The following BTD variants were observed in gnomAD, a reference collection of about 807,000 sequenced individuals.
The protein encoded by BTD is biotinidase, also known as biocytinase.
A neutral mutation model predicts 17.7 loss-of-function variants in BTD; 13 were observed. The ratio of observed to expected loss-of-function variants is 0.74; its 90% CI spans 0.48 to 1.17. The LOEUF is 1.17. Among genes scored for constraint, BTD ranks in the 50% most tolerant of loss-of-function variants. The probability of loss-of-function intolerance (pLI) is 0.00; values close to 1 mark genes in which losing one functional copy is unlikely to be tolerated. For synonymous variants in BTD, 240 were observed against 245.2 expected, an observed-to-expected ratio of 0.98 and a Z score of 0.20; for missense variants, 674 against 650.4, an observed-to-expected ratio of 1.04 and a Z score of -0.39.
At chr3:15,621,604 T>A (rs2125396269) in intron 1 of BTD, among the ~76,000 whole-genome samples, 1 of 152,244 alleles carries the variant, frequency 6.6e-6, no homozygotes, top group South Asian at 2.1e-4. Context: ...TCATTTTCTT[T>A]TTTTTTTCCT....
chr3:15,642,601 C>T (rs1384986923), intron 3 of BTD, among the ~76,000 whole-genome samples: 2 of 151,812 alleles, frequency 1.3e-5, no homozygotes, highest in South Asian at 2.1e-4. Context: ...ACTACAGGCA[C>T]CCACCACCAC....
intron 3 of BTD, among the ~76,000 whole-genome samples, chr3:15,672,212 C>T (rs1453475404): frequency 2.0e-5 from 3 of 148,430 alleles, no homozygotes; most frequent in Non-Finnish European, 4.4e-5. Context: ...GTATAATGAT[C>T]ATGCTCACTG....
chr3:15,624,157 T>C (rs562573632), intron 1 of BTD, among the ~76,000 whole-genome samples: 1 of 152,342 alleles, frequency 6.6e-6, no homozygotes, highest in Non-Finnish European at 1.5e-5. Flanking sequence ...ATCTTTGCTT[T>C]TCTGTAATTT....
At chr3:15,631,289 C>T in intron 1 of BTD, 1 of 684,384 alleles carries the variant, frequency 1.5e-6, no homozygotes, top group South Asian at 2.3e-5. Context: ...GATTGCTATT[C>T]TCCCTGACAA....
At chr3:15,601,923 G>A (rs1299251339) in intron 1 of BTD, 29 bp downstream of exon 1, 14 of 1,611,474 alleles carry the variant, frequency 8.7e-6, no homozygotes, top group Non-Finnish European at 1.2e-5. Flanking sequence ...GCGGCGCGGA[G>A]GGGGTGTGGT....
At chr3:15,695,312 C>T in intron 3 of BTD, 1 of 885,238 alleles carries the variant, frequency 1.1e-6, no homozygotes, top group East Asian at 2.7e-5. Context: ...TACCCTAAAC[C>T]CGTGCTTCCT....
rs73817049 is a variant in BTD, at chr3:15,686,449, A to C, written c.400-23611A>C. ...TATGCAAGAATGAAAACTATAGGTA[A>C]AAAGAAGGTTTCTACGGCCTTTGAC... On this transcript the variant is annotated intron_variant, in intron 3 of 3. Coordinates refer to the BTD transcript ENST00000672141. 0.021 allele frequency: 14,440 copies of C among 691,386 alleles called. 1,457 individuals are homozygous for C. In the African/African-American group the frequency reaches 0.22, roughly 11 times the overall value. The allele number at this position is 691,386 out of a possible 1,614,324, so 42.8% of individuals were successfully genotyped here. A position where few individuals can be genotyped will look rare whatever the true frequency, so the allele number is the denominator to read the frequency against.
At chr3:15,667,048 A>G (rs2066013207) in intron 3 of BTD, among the ~76,000 whole-genome samples, 1 of 152,254 alleles carries the variant, frequency 6.6e-6, no homozygotes, top group African/African-American at 2.4e-5. Context: ...ACTCCCAAGT[A>G]TACAGCAGGC....
At chr3:15,679,422 G>A in intron 3 of BTD, 1 of 1,612,050 alleles carries the variant, frequency 6.2e-7, no homozygotes. Context: ...TCACAGCAAT[G>A]GTGTATTTCT....
upstream of BTD, chr3:15,601,382 C>G: frequency 6.2e-7 from 1 of 1,614,168 alleles, no homozygotes; most frequent in Non-Finnish European, 8.5e-7. Context: ...GTCCATCGTA[C>G]TTGCGTTTTC....
downstream of BTD, chr3:15,713,515 G>A (rs778593341): frequency 1.4e-5 from 22 of 1,602,632 alleles, no homozygotes; most frequent in Admixed American, 3.6e-4. Context: ...CAACACCTCG[G>A]TAAGTACTTA....
At position 15,635,538 on chromosome 3, in the gene BTD, C is replaced by T. The variant is rs397514337; in HGVS notation, c.99C>T (p.His33=). The change falls in exon 2 of 4, where the codon CAC becomes CAT. Residue 33 remains histidine, a synonymous_variant. Transcript: ENST00000643237. This position sits in a 1 kb window ranked among gnomAD's most constrained non-coding sequence, Gnocchi z 4.1. ...GGGAGGAGAGCGTGGCTGACCATCA[C>T]GAGGCTGAATATTATGTGGCTGCCG... ...HTGEESVADH[H]EAEYYVAAVY... is the part of the protein sequence containing the mutation. 18 of 1,614,128 alleles carry T rather than the reference C, an allele frequency of 1.1e-5. No individual in the cohort carries two copies. The highest frequency in any genetic ancestry group is 2.2e-5 in the East Asian group (1 of 44,864).
chr3:15,603,518 A>G (rs1250911424), intron 1 of BTD, among the ~76,000 whole-genome samples: 1 of 152,044 alleles, frequency 6.6e-6, no homozygotes, highest in Non-Finnish European at 1.5e-5. Context: ...TTAGGCGGGC[A>G]TGGTGGCAGG....
intron 1 of BTD, among the ~76,000 whole-genome samples, chr3:15,628,498 G>A (rs1462529436): frequency 6.6e-6 from 1 of 152,128 alleles, no homozygotes; most frequent in Admixed American, 6.5e-5. Flanking sequence ...TTATCTAGAA[G>A]GTGTTCTTTA....
upstream of BTD, chr3:15,601,448 A>C (rs769012677): frequency 6.2e-7 from 1 of 1,613,448 alleles, no homozygotes; most frequent in African/African-American, 1.3e-5. Flanking sequence ...CGCTCTGCGA[A>C]GTTACTGTCC....
intron 3 of BTD, chr3:15,689,822 G>A: frequency 3.5e-6 from 2 of 565,178 alleles, no homozygotes; most frequent in Non-Finnish European, 6.2e-6. Flanking sequence ...TACTCCTAAT[G>A]TTTATGAATG....
chr3:15,709,603 G>T, intron 3 of BTD: 1 of 1,133,156 alleles, frequency 8.8e-7, no homozygotes, highest in Non-Finnish European at 1.3e-6. Flanking sequence ...TCAGAAGCCA[G>T]TTAGAAGGTC....
At chr3:15,692,144 TAAAAAA>T (rs908039642) in intron 3 of BTD, among the ~76,000 whole-genome samples, 1 of 98,912 alleles carries the variant, frequency 1.0e-5, no homozygotes, top group Admixed American at 1.1e-4. Flanking sequence ...TATCTCTAAA[TAAAAAA>T]AAAAAAAAAA....
chr3:15,605,274 G>C (rs1226383632), intron 1 of BTD, among the ~76,000 whole-genome samples: 2 of 152,192 alleles, frequency 1.3e-5, no homozygotes, highest in Non-Finnish European at 2.9e-5. Context: ...CGTCTTACAT[G>C]GCGACAGGCA....
Sources: allele counts gnomAD v4.1 joint callset (sites outside exome capture counted in the v4.1 genomes callset), GRCh38; gene constraint gnomAD v4.1.1; non-coding constraint Gnocchi (gnomAD v3.1); transcripts MANE v1.5; gene names NCBI Gene and HGNC (gene_info 2026-07-23, HGNC 2026-07-21).